HIPK2: variants seen among roughly 807,000 people sequenced by gnomAD.
The protein encoded by HIPK2 is homeodomain-interacting protein kinase 2.
HIPK2 carries 27 observed loss-of-function variants against 113.7 expected under a neutral mutation model. The observed-to-expected ratio is 0.24, with a 90% confidence interval of 0.17 to 0.33. The LOEUF (loss-of-function observed/expected upper bound fraction) is 0.33, where lower values mean the gene tolerates loss of function less well. Among genes scored for constraint, HIPK2 ranks in the 10% least tolerant of loss-of-function variants. The probability of loss-of-function intolerance (pLI) is 1.00; values close to 1 mark genes in which losing one functional copy is unlikely to be tolerated. For missense variants in HIPK2, 1,257 were observed against 1,588.0 expected (o/e 0.79, Z 3.54); for synonymous variants, 631 against 642.2 (o/e 0.98, Z 0.26).
intron 2 of HIPK2, among the ~76,000 whole-genome samples, chr7:139,643,356 A>G (rs1801093441): frequency 6.6e-6 from 1 of 151,198 alleles, no homozygotes; most frequent in Non-Finnish European, 1.5e-5. Flanking sequence ...GGCAGTGAAC[A>G]TCTTGGCTCT....
chr7:139,648,031 C>G (rs748703533), intron 2 of HIPK2, among the ~76,000 whole-genome samples: 10 of 152,182 alleles, frequency 6.6e-5, no homozygotes, highest in Non-Finnish European at 1.2e-4. Flanking sequence ...GGGAAGTGCT[C>G]AGCTGCCACA....
At chr7:139,584,851 A>C (rs1019833028) in intron 12 of HIPK2, among the ~76,000 whole-genome samples, 12 of 152,194 alleles carry the variant, frequency 7.9e-5, no homozygotes, top group African/African-American at 2.9e-4. Flanking sequence ...TGCTGTGTGA[A>C]AGCCACTCTG....
chr7:139,677,282 T>C (rs1033184921), intron 2 of HIPK2, among the ~76,000 whole-genome samples: 7 of 125,116 alleles, frequency 5.6e-5, no homozygotes, highest in East Asian at 5.9e-4. Context: ...CACACACACA[T>C]ATATACACAT....
intron 2 of HIPK2, among the ~76,000 whole-genome samples, chr7:139,688,108 C>T (rs55890326): frequency 0.13 from 20,482 of 151,834 alleles, 1,543 homozygotes; most frequent in Non-Finnish European, 0.18. Flanking sequence ...CACACACACA[C>T]GCAGCCCATT....
intron 2 of HIPK2, among the ~76,000 whole-genome samples, chr7:139,713,608 C>T (rs1795134204): frequency 6.6e-6 from 1 of 152,210 alleles, no homozygotes; most frequent in Admixed American, 6.5e-5. Flanking sequence ...TTACAAGTCG[C>T]CATGCTAGCT....
chr7:139,724,535 T>A (rs960478828), intron 1 of HIPK2, among the ~76,000 whole-genome samples: 21 of 152,140 alleles, frequency 1.4e-4, no homozygotes, highest in South Asian at 4.1e-4. Flanking sequence ...ATTCTTTTTT[T>A]TTATTATTAT....
In HIPK2 at chr7:139,717,238, T is replaced by G. The variant is rs550617047; in HGVS notation, c.20-223A>C. Among the ~76,000 whole-genome samples, 13 of 152,288 alleles carry G rather than the reference T, an allele frequency of 8.5e-5. No homozygotes were observed. In the East Asian group the frequency reaches 2.5e-3, roughly 29 times the overall value. On this transcript the variant is annotated intron_variant, in intron 1 of 14. Transcript: ENST00000406875. ...CAGGGTGCCACTTGCCACCATTAGG[T>G]GCCAGCAACACAGCTGAGACTCAGA...
chr7:139,717,494 C>G (rs1179283385), intron 1 of HIPK2, among the ~76,000 whole-genome samples: 1 of 152,206 alleles, frequency 6.6e-6, no homozygotes, highest in East Asian at 1.9e-4. Context: ...CACCAGGCCA[C>G]TCAGGATCTT....
intron 6 of HIPK2, among the ~76,000 whole-genome samples, chr7:139,625,943 G>A (rs1246757210): frequency 6.6e-6 from 1 of 152,094 alleles, no homozygotes; most frequent in Non-Finnish European, 1.5e-5. Flanking sequence ...GACTAGTTTT[G>A]CGCTACAGAG....
chr7:139,680,887 C>A (rs889957742), intron 2 of HIPK2, among the ~76,000 whole-genome samples: 3 of 152,234 alleles, frequency 2.0e-5, no homozygotes, highest in Non-Finnish European at 4.4e-5. Context: ...ATTACTCAGC[C>A]ATGGGCCCAG....
chr7:139,707,336 G>T (rs867494633), intron 2 of HIPK2, among the ~76,000 whole-genome samples: 12 of 152,270 alleles, frequency 7.9e-5, no homozygotes, highest in Admixed American at 2.6e-4. Flanking sequence ...GGCTCCATCC[G>T]GCACTGGCCG....
At chr7:139,617,213 A>G (rs1050602269) in intron 7 of HIPK2, among the ~76,000 whole-genome samples, 1 of 152,208 alleles carries the variant, frequency 6.6e-6, no homozygotes, top group Admixed American at 6.5e-5. Context: ...CAGCTGACAG[A>G]TAGTAATAAC....
chr7:139,699,156 G>A (rs1794640294), intron 2 of HIPK2, among the ~76,000 whole-genome samples: 1 of 152,070 alleles, frequency 6.6e-6, no homozygotes, highest in African/African-American at 2.4e-5. Context: ...CAGAGATACT[G>A]GAGAGTGGCA....
rs936686600 is a variant in HIPK2, at chr7:139,621,329, C to T, written c.1620-766G>A. Among the ~76,000 whole-genome samples, 109 of 152,286 alleles carry T rather than the reference C, an allele frequency of 7.2e-4. 2 individuals are homozygous for T. Among genetic ancestry groups the T allele is most frequent in the Non-Finnish European group, 8.8e-5 (6 of 68,020 alleles). ...CTGGCTACCTTCGTGTATACACATA[C>T]GTCCTCTTTCACCAACTTCAGCCTT... On this transcript the variant is annotated intron_variant, in intron 6 of 14. Coordinates refer to ENST00000406875, the MANE Select transcript of HIPK2 (RefSeq NM_022740.5).
intron 1 of HIPK2, among the ~76,000 whole-genome samples, chr7:139,723,553 T>A (rs1159020443): frequency 1.3e-5 from 2 of 152,332 alleles, no homozygotes; most frequent in East Asian, 3.9e-4. Flanking sequence ...TTAGCATATT[T>A]TCCCCCCACT....
At chr7:139,623,419 A>G (rs1022657917) in intron 6 of HIPK2, among the ~76,000 whole-genome samples, 5 of 150,098 alleles carry the variant, frequency 3.3e-5, no homozygotes, top group Non-Finnish European at 5.9e-5. Context: ...CTGAGGCAGG[A>G]GAATCGCTTG....
At chr7:139,620,670 TA>T in intron 6 of HIPK2, 107 bp from the exon 7 acceptor site, 2 of 1,384,726 alleles carry the variant, frequency 1.4e-6, no homozygotes, top group South Asian at 2.7e-5. Context: ...GTTAATTCAG[TA>T]AACAGGACAA....
intron 11 of HIPK2, among the ~76,000 whole-genome samples, chr7:139,600,084 C>T (rs1300251302): frequency 2.0e-5 from 3 of 152,108 alleles, no homozygotes; most frequent in African/African-American, 4.8e-5. Context: ...TTAGTAACTT[C>T]CCATCCACCG....
At position 139,566,520 on chromosome 7, in the gene HIPK2, T is replaced by G. The variant is rs1242826008; in HGVS notation, c.*6407A>C. The stretch of plus-strand genomic sequence containing the variant: ...TATTAATTAAAAAAAGTTAAAAGAT[T>G]AAAAATCACATCTCAGGAAGGGCCT... On this transcript the variant is annotated 3_prime_UTR_variant, in exon 15 of 15. Coordinates refer to ENST00000406875, the MANE Select transcript of HIPK2 (RefSeq NM_022740.5). The surrounding 1 kb of genome is among the most constrained non-coding windows in gnomAD (Gnocchi z 4.1). The G allele has an allele frequency of 6.6e-6, 1 of 152,004 alleles. No homozygotes were observed. Among genetic ancestry groups the G allele is most frequent in the Non-Finnish European group, 1.5e-5 (1 of 67,990 alleles). The allele number at this position is 152,004 out of a possible 1,614,324, so 9.4% of individuals were successfully genotyped here. A position where few individuals can be genotyped will look rare whatever the true frequency, so the allele number is the denominator to read the frequency against.
Sources: allele counts gnomAD v4.1 joint callset (sites outside exome capture counted in the v4.1 genomes callset), GRCh38; gene constraint gnomAD v4.1.1; non-coding constraint Gnocchi (gnomAD v3.1); transcripts MANE v1.5; gene names NCBI Gene and HGNC (gene_info 2026-07-23, HGNC 2026-07-21).